The following CLEC16A variants were observed in gnomAD, a reference collection of about 807,000 sequenced individuals.
The protein encoded by CLEC16A is protein CLEC16A.
Under a neutral mutation model 109.5 loss-of-function variants are expected in CLEC16A, and 51 were observed. The observed-to-expected ratio is 0.47, with a 90% confidence interval of 0.37 to 0.59. The LOEUF is 0.59. Ranked by LOEUF, CLEC16A falls within the 20% of genes least tolerant of loss-of-function variation. The pLI, the probability that CLEC16A is intolerant of heterozygous loss-of-function variation, is 0.00. For missense variants in CLEC16A, 1,339 were observed against 1,394.0 expected, an observed-to-expected ratio of 0.96 and a Z score of 0.63; for synonymous variants, 673 against 564.2, an observed-to-expected ratio of 1.19 and a Z score of -2.73.
intron 18 of CLEC16A, among the ~76,000 whole-genome samples, chr16:11,058,447 GTAAA>G (rs2048320892): frequency 6.6e-6 from 1 of 152,010 alleles, no homozygotes. Context: ...TAAATGCTAT[GTAAA>G]TAGTTTGTTA....
At chr16:11,034,371 G>A (rs1216600711) in intron 13 of CLEC16A, among the ~76,000 whole-genome samples, 1 of 152,198 alleles carries the variant, frequency 6.6e-6, no homozygotes, top group Non-Finnish European at 1.5e-5. Flanking sequence ...TTCTCGTGGT[G>A]TCTTTATCCA....
chr16:11,047,338 T>A lies in CLEC16A; in HGVS notation c.1862T>A (p.Met621Lys), dbSNP rs1238911665. Residue 621 changes from methionine to lysine, a missense_variant, in exon 17 of 24, where the codon ATG becomes AAG. Met to Lys is a moderately conservative substitution (Grantham distance 95). Coordinates refer to ENST00000409790, the MANE Select transcript of CLEC16A (RefSeq NM_015226.3). ...LDMFEDEYRS[M>K]TMKPMNVEYL... ...ATGTTTGAAGATGAGTATAGGAGCA[T>A]GACAGTAAGTGAGGGGCTGGGACAC... 1 of 1,607,740 alleles carries A rather than the reference T, an allele frequency of 6.2e-7. No individual in the cohort carries two copies. The highest frequency in any genetic ancestry group is 1.7e-5 in the Admixed American group (1 of 59,024).
rs2053685004 is a variant in CLEC16A, at chr16:11,138,729, G to A, written c.2641+12583G>A. Among the ~76,000 whole-genome samples, 4 of 152,312 alleles carry A rather than the reference G, an allele frequency of 2.6e-5. No homozygotes were observed. The South Asian group carries it at 8.3e-4, about 32-fold the overall frequency. ...AAATGACCACTGTTTTCACTCAACAGCGTATCCTGGAGTGTTTTTCATTTT... is the reference window on the plus strand; with the variant it reads ...AAATGACCACTGTTTTCACTCAACAACGTATCCTGGAGTGTTTTTCATTTT... On this transcript the variant is annotated intron_variant, in intron 22 of 23. Transcript: ENST00000409790.
chr16:11,112,183 T>A (rs1240652739), intron 19 of CLEC16A, among the ~76,000 whole-genome samples: 1 of 152,142 alleles, frequency 6.6e-6, no homozygotes, highest in African/African-American at 2.4e-5. Flanking sequence ...GAGGAGAACA[T>A]AGCCCCATGA....
chr16:11,167,360 C>T (rs1415313656), intron 23 of CLEC16A, among the ~76,000 whole-genome samples: 2 of 152,132 alleles, frequency 1.3e-5, no homozygotes, highest in East Asian at 1.9e-4. Context: ...GACTGGAGAT[C>T]CTTAGTATCC....
chr16:11,122,131 C>G (rs1597458060), intron 20 of CLEC16A, among the ~76,000 whole-genome samples: 1 of 152,254 alleles, frequency 6.6e-6, no homozygotes, highest in Middle Eastern at 3.4e-3. Flanking sequence ...CGCCCCACCT[C>G]TGCCTTGCCG....
intron 10 of CLEC16A, among the ~76,000 whole-genome samples, chr16:10,985,217 A>T (rs1276287409): frequency 2.5e-4 from 32 of 130,266 alleles, no homozygotes; most frequent in East Asian, 2.2e-3. Context: ...AAAAAAAAAA[A>T]AAAATATATA....
At chr16:11,172,682 A>G (rs193227709) in intron 23 of CLEC16A, among the ~76,000 whole-genome samples, 2,577 of 152,216 alleles carry the variant, frequency 0.017, 39 homozygotes, top group Non-Finnish European at 0.023. Flanking sequence ...TGAGGTCAGG[A>G]GTTCGAGACC....
chr16:10,964,560 T>A (rs1327491779), intron 3 of CLEC16A, among the ~76,000 whole-genome samples: 1 of 152,124 alleles, frequency 6.6e-6, no homozygotes, highest in Non-Finnish European at 1.5e-5. Context: ...AGGCACAGGG[T>A]CTGGCAGATA....
chr16:11,076,063 C>G (rs1277499589), intron 19 of CLEC16A, among the ~76,000 whole-genome samples: 1 of 129,484 alleles, frequency 7.7e-6, no homozygotes, highest in African/African-American at 2.9e-5. Flanking sequence ...TTTAGCTCCC[C>G]TGCAGCTGGT....
intron 19 of CLEC16A, among the ~76,000 whole-genome samples, chr16:11,115,775 G>A (rs1350224202): frequency 1.3e-5 from 2 of 152,016 alleles, no homozygotes; most frequent in African/African-American, 2.4e-5. Context: ...TAGAAGACTA[G>A]TCATCTAGAG....
At chr16:11,088,949 AG>A (rs2050156201) in intron 19 of CLEC16A, among the ~76,000 whole-genome samples, 1 of 152,204 alleles carries the variant, frequency 6.6e-6, no homozygotes, top group Non-Finnish European at 1.5e-5. Context: ...TAGAGTAAAA[AG>A]TGAAAGTGCC....
intron 18 of CLEC16A, chr16:11,057,125 GT>G (rs34422536): frequency 1.3e-5 from 2 of 155,996 alleles, no homozygotes; most frequent in Admixed American, 6.5e-5. Context: ...GTATGAATGT[GT>G]TTTTTTCATG....
At chr16:10,952,074 A>G (rs955171882) in intron 1 of CLEC16A, among the ~76,000 whole-genome samples, 1 of 152,244 alleles carries the variant, frequency 6.6e-6, no homozygotes, top group Admixed American at 6.5e-5. Context: ...AAAGAAAAAG[A>G]CCCGAGGAAA....
At chr16:11,099,904 C>G (rs2050813773) in intron 19 of CLEC16A, among the ~76,000 whole-genome samples, 1 of 152,084 alleles carries the variant, frequency 6.6e-6, no homozygotes, top group Admixed American at 6.6e-5. Flanking sequence ...GTTTAAGTGT[C>G]CAGCATGTGG....
At position 11,170,877 on chromosome 16, in the gene CLEC16A, G is replaced by C. The variant is rs111275630; in HGVS notation, c.2806+4325G>C. On this transcript the variant is annotated intron_variant, in intron 23 of 23. Transcript: ENST00000409790. ...ACAAAGGAAAGGTGCAGCAGGTTCT[G>C]ACAGCCGATGCAGAACAGTGCGGGA... is the stretch of plus-strand genomic sequence containing the variant. 5.9e-5 allele frequency among the ~76,000 whole-genome samples: 9 copies of C among 152,362 alleles called. 1 individual carries two copies. Among genetic ancestry groups the C allele is most frequent in the African/African-American group, 2.2e-4 (9 of 41,580 alleles).
At chr16:11,149,581 C>G (rs545917513) in intron 22 of CLEC16A, among the ~76,000 whole-genome samples, 1 of 151,998 alleles carries the variant, frequency 6.6e-6, no homozygotes, top group Non-Finnish European at 1.5e-5. Context: ...TGCCTGAGCT[C>G]AAGAGTTCAA....
intron 8 of CLEC16A, 105 bp from the exon 9 acceptor site, chr16:10,979,224 G>A: frequency 1.0e-6 from 1 of 1,003,010 alleles, no homozygotes; most frequent in Non-Finnish European, 1.5e-6. Flanking sequence ...AAGTCAGTGG[G>A]ACAGGACGCC....
chr16:11,164,387 AC>A (rs2054830429), intron 22 of CLEC16A, among the ~76,000 whole-genome samples: 3 of 152,132 alleles, frequency 2.0e-5, no homozygotes, highest in Admixed American at 6.5e-5. Flanking sequence ...CTTCACATGA[AC>A]CTGAGTGGAA....
Sources: allele counts gnomAD v4.1 joint callset (sites outside exome capture counted in the v4.1 genomes callset), GRCh38; gene constraint gnomAD v4.1.1; transcripts MANE v1.5; gene names NCBI Gene and HGNC (gene_info 2026-07-23, HGNC 2026-07-21).